The following ADAMTSL1 variants were observed in gnomAD, a reference collection of about 807,000 sequenced individuals.
ADAMTSL1 encodes ADAMTS-like protein 1.
A neutral mutation model predicts 201.8 loss-of-function variants in ADAMTSL1; 126 were observed. The observed-to-expected ratio is 0.62, with a 90% CI of 0.54 to 0.72. ADAMTSL1 has a LOEUF of 0.72. ADAMTSL1 is among the 30% of genes least tolerant of loss of function. The probability of loss-of-function intolerance (pLI) is 0.00; values close to 1 mark genes in which losing one functional copy is unlikely to be tolerated. For missense variants in ADAMTSL1, 2,679 were observed against 2,277.8 expected, an observed-to-expected ratio of 1.18 and a Z score of -3.59; for synonymous variants, 1,121 against 903.4, an observed-to-expected ratio of 1.24 and a Z score of -4.32.
At chr9:18,739,496 A>G (rs1416516666) in intron 15 of ADAMTSL1, among the ~76,000 whole-genome samples, 1 of 152,264 alleles carries the variant, frequency 6.6e-6, no homozygotes. Flanking sequence ...GAGGGATTTA[A>G]TAAGCCAATA....
chr9:18,024,883 A>G (rs1335715687), intron 1 of ADAMTSL1, among the ~76,000 whole-genome samples: 1 of 152,160 alleles, frequency 6.6e-6, no homozygotes, highest in African/African-American at 2.4e-5. Context: ...CATTCCACCA[A>G]CAGTGTATAA....
chr9:18,310,471 C>T (rs1284583440), intron 2 of ADAMTSL1, among the ~76,000 whole-genome samples: 1 of 143,854 alleles, frequency 7.0e-6, no homozygotes, highest in Non-Finnish European at 1.5e-5. Flanking sequence ...TAACAAAGGA[C>T]TAATATCCAG....
intron 19 of ADAMTSL1, among the ~76,000 whole-genome samples, chr9:18,787,698 T>A (rs1021143125): frequency 1.3e-5 from 2 of 152,196 alleles, no homozygotes; most frequent in Non-Finnish European, 2.9e-5. Flanking sequence ...AAACTGACTA[T>A]ACTCAACTCT....
chr9:18,764,428 A>G (rs1820247433), intron 16 of ADAMTSL1, among the ~76,000 whole-genome samples: 1 of 152,232 alleles, frequency 6.6e-6, no homozygotes, highest in African/African-American at 2.4e-5. Flanking sequence ...ATAAGATCAT[A>G]TCATCTGCAA....
intron 16 of ADAMTSL1, among the ~76,000 whole-genome samples, chr9:18,757,914 G>A (rs183698082): frequency 1.6e-4 from 24 of 152,304 alleles, no homozygotes; most frequent in Admixed American, 1.4e-3. Flanking sequence ...AGGAGCTGCT[G>A]CTTTTGATAA....
intron 14 of ADAMTSL1, among the ~76,000 whole-genome samples, chr9:18,713,418 G>A (rs1446131926): frequency 4.6e-5 from 7 of 152,092 alleles, no homozygotes; most frequent in African/African-American, 2.4e-5. Flanking sequence ...TACCAAGCAA[G>A]TGGAAAACAA....
intron 21 of ADAMTSL1, among the ~76,000 whole-genome samples, chr9:18,819,065 C>T (rs1192123414): frequency 6.6e-6 from 1 of 152,162 alleles, no homozygotes; most frequent in Non-Finnish European, 1.5e-5. Flanking sequence ...CAACACACAC[C>T]TGATCACTAT....
At chr9:18,570,348 A>G (rs1822219257) in intron 3 of ADAMTSL1, among the ~76,000 whole-genome samples, 1 of 152,236 alleles carries the variant, frequency 6.6e-6, no homozygotes, top group Admixed American at 6.5e-5. Flanking sequence ...AATTATTTTT[A>G]TTAGCATACT....
intron 1 of ADAMTSL1, among the ~76,000 whole-genome samples, chr9:17,972,987 C>T (rs1198945938): frequency 6.7e-6 from 1 of 148,780 alleles, no homozygotes; most frequent in Non-Finnish European, 1.5e-5. Context: ...TATTCATATC[C>T]TTCACCCACT....
intron 1 of ADAMTSL1, among the ~76,000 whole-genome samples, chr9:18,046,716 C>T (rs1314911201): frequency 6.6e-6 from 1 of 152,122 alleles, no homozygotes; most frequent in Non-Finnish European, 1.5e-5. Flanking sequence ...TTGAATTCTA[C>T]CTGCTTCATT....
At chr9:18,502,893 T>C (rs1236035708) in intron 1 of ADAMTSL1, among the ~76,000 whole-genome samples, 6 of 152,074 alleles carry the variant, frequency 3.9e-5, no homozygotes, top group East Asian at 1.9e-4. Context: ...TCAGAGCCCA[T>C]ATATGTTTAT....
intron 3 of ADAMTSL1, among the ~76,000 whole-genome samples, chr9:18,568,245 T>C (rs1822065550): frequency 6.6e-6 from 1 of 152,168 alleles, no homozygotes. Context: ...ATTTTATCGA[T>C]GGATATTTGC....
chr9:18,177,707 G>T (rs1452323127), intron 2 of ADAMTSL1, among the ~76,000 whole-genome samples: 2 of 152,142 alleles, frequency 1.3e-5, no homozygotes, highest in Admixed American at 1.3e-4. Flanking sequence ...GTGCATATTA[G>T]CTGGCTTGTA....
chr9:18,314,628 C>T lies in ADAMTSL1; in HGVS notation c.207+150647C>T, dbSNP rs1586877857. Among the ~76,000 whole-genome samples, 5 of 151,988 alleles carry T rather than the reference C, an allele frequency of 3.3e-5. No individual in the cohort carries two copies. In the East Asian group the frequency reaches 9.7e-4, roughly 29 times the overall value. ...GGTCTCGCTGGCCTCATGAGTGAAG[C>T]TGCAGACCTTTGCGGTGAGTGTTAC... On this transcript the variant is annotated intron_variant, in intron 2 of 29. Transcript: ENST00000680146.
At chr9:18,341,264 C>A (rs1009993415) in intron 2 of ADAMTSL1, among the ~76,000 whole-genome samples, 3 of 152,066 alleles carry the variant, frequency 2.0e-5, no homozygotes, top group African/African-American at 7.2e-5. Flanking sequence ...GCTCTCTGGT[C>A]CAGTCTTAAT....
At chr9:18,482,384 T>C (rs1267154163) in intron 1 of ADAMTSL1, among the ~76,000 whole-genome samples, 1 of 152,232 alleles carries the variant, frequency 6.6e-6, no homozygotes, top group African/African-American at 2.4e-5. Flanking sequence ...GGAGTTTCCA[T>C]TTTCATCTTC....
chr9:18,326,913 T>A (rs1218704100), intron 2 of ADAMTSL1, among the ~76,000 whole-genome samples: 1 of 152,228 alleles, frequency 6.6e-6, no homozygotes, highest in Non-Finnish European at 1.5e-5. Flanking sequence ...AAATGCTAAG[T>A]CAACCTTGAA....
chr9:18,778,698 A>G (rs1821208935), intron 19 of ADAMTSL1, among the ~76,000 whole-genome samples: 1 of 151,698 alleles, frequency 6.6e-6, no homozygotes, highest in Admixed American at 6.6e-5. Flanking sequence ...GCAAATGTAA[A>G]CTCTTTATGT....
intron 1 of ADAMTSL1, among the ~76,000 whole-genome samples, chr9:18,157,387 G>T (rs75471419): frequency 0.026 from 3,895 of 150,996 alleles, 73 homozygotes; most frequent in Non-Finnish European, 0.042. Context: ...GATAAAGTAG[G>T]TATGCCTTTA....
Sources: gnomAD v4.1 joint callset for allele counts (sites outside exome capture counted in the v4.1 genomes callset) on GRCh38, gnomAD v4.1.1 for gene constraint, MANE v1.5 for transcripts, NCBI Gene and HGNC (gene_info 2026-07-23, HGNC 2026-07-21) for gene names.